Variants in ANKS1B observed in about 807,000 individuals in gnomAD.
The protein encoded by ANKS1B is ankyrin repeat and sterile alpha motif domain containing 1B.
A neutral mutation model predicts 148.3 loss-of-function variants in ANKS1B; 36 were observed. The observed-to-expected ratio is 0.24, with a 90% CI of 0.19 to 0.32. The LOEUF (loss-of-function observed/expected upper bound fraction) is 0.32, where lower values mean the gene tolerates loss of function less well. Ranked by LOEUF, ANKS1B falls within the 10% of genes least tolerant of loss-of-function variation. The pLI is 1.00. For synonymous variants in ANKS1B, 542 were observed against 560.8 expected (o/e 0.97, Z 0.47); for missense variants, 1,157 against 1,542.6 (o/e 0.75, Z 4.19).
intron 14 of ANKS1B, among the ~76,000 whole-genome samples, chr12:99,234,544 A>G (rs909679378): frequency 5.9e-5 from 9 of 152,212 alleles, no homozygotes; most frequent in Non-Finnish European, 1.5e-5. Flanking sequence ...GTATGACCAC[A>G]GCAGCAAACA....
chr12:99,700,917 T>C (rs1419496088), intron 8 of ANKS1B, among the ~76,000 whole-genome samples: 2 of 152,148 alleles, frequency 1.3e-5, no homozygotes, highest in Non-Finnish European at 2.9e-5. Context: ...AGTCTTCCAA[T>C]CCCCACCTGC....
At chr12:98,850,455 T>C (rs922409432) in intron 17 of ANKS1B, among the ~76,000 whole-genome samples, 1 of 136,154 alleles carries the variant, frequency 7.3e-6, no homozygotes, top group African/African-American at 2.7e-5. Context: ...CAGAGAAGCA[T>C]TGCATTTTTT....
chr12:99,538,292 A>G, intron 9 of ANKS1B, among the ~76,000 whole-genome samples: 1 of 152,010 alleles, frequency 6.6e-6, no homozygotes, highest in Admixed American at 6.5e-5. Flanking sequence ...TATTTCTGTG[A>G]AGAATGTTAT....
chr12:99,809,319 T>A (rs941905604), intron 3 of ANKS1B, among the ~76,000 whole-genome samples: 2 of 151,342 alleles, frequency 1.3e-5, no homozygotes, highest in African/African-American at 2.4e-5. Context: ...TTTCGGTGAA[T>A]GGCAAAGGCA....
intron 9 of ANKS1B, among the ~76,000 whole-genome samples, chr12:99,518,183 T>A (rs1175806632): frequency 6.6e-6 from 1 of 152,092 alleles, no homozygotes; most frequent in African/African-American, 2.4e-5. Context: ...TATTTTTTTT[T>A]ATGGGTCTTT....
At chr12:98,903,806 C>T (rs1048651804) in intron 17 of ANKS1B, among the ~76,000 whole-genome samples, 1 of 152,194 alleles carries the variant, frequency 6.6e-6, no homozygotes, top group Admixed American at 6.5e-5. Context: ...ATCTTCTCTA[C>T]AACTTCTAAT....
At chr12:99,478,561 TA>T (rs573550719) in intron 10 of ANKS1B, among the ~76,000 whole-genome samples, 223 of 152,200 alleles carry the variant, frequency 1.5e-3, no homozygotes, top group Middle Eastern at 3.4e-3. Context: ...CAGAAAGTTT[TA>T]AAGCCATATT....
chr12:99,271,169 C>G (rs2076998481), intron 12 of ANKS1B, among the ~76,000 whole-genome samples: 1 of 152,192 alleles, frequency 6.6e-6, no homozygotes, highest in Admixed American at 6.5e-5. Flanking sequence ...CAATTCATCA[C>G]ATTCTTTATG....
intron 17 of ANKS1B, among the ~76,000 whole-genome samples, chr12:98,967,992 G>A (rs1463528352): frequency 2.0e-5 from 3 of 152,072 alleles, no homozygotes; most frequent in Non-Finnish European, 4.4e-5. Flanking sequence ...GGGCACTGGA[G>A]ACTATTCAAG....
chr12:99,080,064 A>C (rs1246205597), intron 16 of ANKS1B: 1 of 152,334 alleles, frequency 6.6e-6, no homozygotes, highest in East Asian at 1.9e-4. Context: ...CCGCCCCCAG[A>C]ATCTCTCCCT....
intron 17 of ANKS1B, among the ~76,000 whole-genome samples, chr12:99,041,530 T>A (rs1169258604): frequency 6.6e-6 from 1 of 152,180 alleles, no homozygotes; most frequent in Non-Finnish European, 1.5e-5. Flanking sequence ...CAGTTTTCCA[T>A]ACATTTAGGC....
intron 12 of ANKS1B, among the ~76,000 whole-genome samples, chr12:99,376,082 A>T (rs1176473351): frequency 6.6e-6 from 1 of 152,210 alleles, no homozygotes; most frequent in Non-Finnish European, 1.5e-5. Flanking sequence ...TTATCAAACC[A>T]TTCGCTGTTC....
chr12:99,123,413 T>C, intron 15 of ANKS1B, among the ~76,000 whole-genome samples: 1 of 152,140 alleles, frequency 6.6e-6, no homozygotes, highest in East Asian at 1.9e-4. Flanking sequence ...AGGAGACCTG[T>C]ATGACTGGGG....
intron 12 of ANKS1B, among the ~76,000 whole-genome samples, chr12:99,324,140 T>C (rs868429581): frequency 7.9e-5 from 12 of 152,190 alleles, no homozygotes; most frequent in Non-Finnish European, 7.4e-5. Context: ...TGTGTGTACA[T>C]TAATTACATG....
intron 17 of ANKS1B, among the ~76,000 whole-genome samples, chr12:98,869,886 G>C (rs1407840619): frequency 1.3e-5 from 2 of 152,144 alleles, no homozygotes; most frequent in Non-Finnish European, 2.9e-5. Flanking sequence ...GTACAATGGA[G>C]ATAATAAAAC....
intron 14 of ANKS1B, among the ~76,000 whole-genome samples, chr12:99,196,596 G>A (rs1307796638): frequency 6.8e-6 from 1 of 147,892 alleles, no homozygotes; most frequent in South Asian, 2.2e-4. Flanking sequence ...GTTTTTTTTT[G>A]TTTGTTTTTG....
chr12:99,826,131 T>C (rs976153799), intron 1 of ANKS1B, among the ~76,000 whole-genome samples: 2 of 152,224 alleles, frequency 1.3e-5, no homozygotes, highest in Non-Finnish European at 2.9e-5. Flanking sequence ...CTGATGGTCA[T>C]AGTGATATCA....
At chr12:99,141,403 CT>C (rs572728144) in intron 15 of ANKS1B, among the ~76,000 whole-genome samples, 442 of 140,178 alleles carry the variant, frequency 3.2e-3, no homozygotes, top group Middle Eastern at 7.6e-3. Context: ...AGTCTCATTT[CT>C]TTTTTTTTTT....
chr12:99,906,444 T>C (rs1201727142), intron 1 of ANKS1B, among the ~76,000 whole-genome samples: 1 of 152,240 alleles, frequency 6.6e-6, no homozygotes, highest in African/African-American at 2.4e-5. Context: ...AGAGGAGGGC[T>C]GGTTAGAATC....
Sources: gnomAD v4.1 joint callset for allele counts (sites outside exome capture counted in the v4.1 genomes callset) on GRCh38, gnomAD v4.1.1 for gene constraint, MANE v1.5 for transcripts, NCBI Gene and HGNC (gene_info 2026-07-23, HGNC 2026-07-21) for gene names.